Variants in UPP2 observed in about 807,000 individuals in gnomAD.
The protein encoded by UPP2 is UPase 2.
A neutral mutation model predicts 26.7 loss-of-function variants in UPP2; 23 were observed. The observed-to-expected ratio is 0.86, with a 90% CI of 0.62 to 1.22. UPP2 has a LOEUF of 1.22. UPP2 is among the 50% of genes most tolerant of loss of function. The pLI, the probability that UPP2 is intolerant of heterozygous loss-of-function variation, is 0.00. For synonymous variants in UPP2, 127 were observed against 141.3 expected, an observed-to-expected ratio of 0.90 and a Z score of 0.72; for missense variants, 387 against 396.7, an observed-to-expected ratio of 0.98 and a Z score of 0.21.
chr2:158,071,028 G>C (rs1682531007), intron 3 of UPP2, among the ~76,000 whole-genome samples: 1 of 152,200 alleles, frequency 6.6e-6, no homozygotes, highest in Admixed American at 6.5e-5. Flanking sequence ...GTTGGGACTT[G>C]AGTTTCTCTG....
At chr2:158,082,880 C>G (rs1682750092) in intron 3 of UPP2, among the ~76,000 whole-genome samples, 1 of 151,198 alleles carries the variant, frequency 6.6e-6, no homozygotes, top group South Asian at 2.1e-4. Flanking sequence ...ACAACCCCAT[C>G]AAAAAGTGGG....
intron 2 of UPP2, among the ~76,000 whole-genome samples, chr2:158,003,723 A>AT (rs1553462346): frequency 1.5e-4 from 22 of 151,706 alleles, no homozygotes; most frequent in Non-Finnish European, 1.8e-4. Context: ...ATAAAAAAAA[A>AT]AAAAAAAGAG....
chr2:158,001,927 C>T (rs1325954039), intron 2 of UPP2, among the ~76,000 whole-genome samples: 1 of 116,084 alleles, frequency 8.6e-6, no homozygotes, highest in Non-Finnish European at 1.7e-5. Context: ...AAGCGGACAG[C>T]TTTTCTGGTT....
intron 2 of UPP2, among the ~76,000 whole-genome samples, chr2:157,998,759 C>T (rs1435715246): frequency 6.6e-6 from 1 of 152,104 alleles, no homozygotes; most frequent in Non-Finnish European, 1.5e-5. Flanking sequence ...GCCGAGATTG[C>T]ACCGCTGCAC....
chr2:158,022,576 T>C (rs1213562930), intron 3 of UPP2, among the ~76,000 whole-genome samples: 2 of 152,158 alleles, frequency 1.3e-5, no homozygotes, highest in African/African-American at 2.4e-5. Context: ...ACCCACTAAA[T>C]TGACACCACA....
chr2:158,011,216 G>C (rs116781773), intron 2 of UPP2, among the ~76,000 whole-genome samples: 1 of 152,136 alleles, frequency 6.6e-6, no homozygotes, highest in East Asian at 1.9e-4. Flanking sequence ...AATACAATAG[G>C]AAATAGCTTC....
intron 2 of UPP2, among the ~76,000 whole-genome samples, chr2:157,998,620 G>A (rs950153480): frequency 6.6e-6 from 1 of 152,052 alleles, no homozygotes; most frequent in Non-Finnish European, 1.5e-5. Context: ...TGGACAACAT[G>A]GTGAAATCCC....
intron 2 of UPP2, among the ~76,000 whole-genome samples, chr2:158,007,654 G>A (rs1683513720): frequency 6.7e-6 from 1 of 148,584 alleles, no homozygotes; most frequent in South Asian, 2.1e-4. Flanking sequence ...TTAAGACGGA[G>A]TCTTGCTCTG....
In UPP2 at chr2:158,134,832, A is replaced by T; in HGVS notation, c.896A>T (p.Gln299Leu). The T allele has an allele frequency of 1.2e-6, 2 of 1,613,746 alleles. No homozygotes were observed. Among genetic ancestry groups the T allele is most frequent in the South Asian group, 2.2e-5 (2 of 91,014 alleles). Residue 299 changes from glutamine (Q) to leucine (L), a missense_variant, in exon 7 of 7, where the codon CAA (glutamine) becomes CTA (leucine). Coordinates refer to ENST00000005756, the MANE Select transcript of UPP2 (RefSeq NM_173355.4). ...LPHDVLVEYQ[Q>L]RPQLLISNFI... ...CATGATGTCCTGGTGGAGTACCAGCAACGGCCTCAGCTCCTAATCTCCAAC... is the reference window on the plus strand; with the variant it reads ...CATGATGTCCTGGTGGAGTACCAGCTACGGCCTCAGCTCCTAATCTCCAAC...
chr2:158,105,619 G>T lies in UPP2; in HGVS notation c.63-480G>T, dbSNP rs994478856. Among the ~76,000 whole-genome samples, 75 of 152,200 alleles carry T rather than the reference G, an allele frequency of 4.9e-4. 1 individual carries two copies. Among genetic ancestry groups the T allele is most frequent in the Admixed American group, 2.5e-3 (38 of 15,280 alleles). On this transcript the variant is annotated intron_variant, in intron 1 of 6. Transcript: ENST00000005756. ...AATAAAATACAAATAACTTACTCAA[G>T]GTTGCACAATTAGGATATATATGGT...
At chr2:158,025,950 A>G (rs35509538) in intron 3 of UPP2, among the ~76,000 whole-genome samples, 2,777 of 152,258 alleles carry the variant, frequency 0.018, 94 homozygotes, top group African/African-American at 0.063. Context: ...TTCGTCTGGA[A>G]GAAGCAGCCC....
chr2:158,037,589 G>T (rs954513625), intron 3 of UPP2, among the ~76,000 whole-genome samples: 2 of 151,962 alleles, frequency 1.3e-5, no homozygotes, highest in African/African-American at 2.4e-5. Context: ...TTAGCTTCTG[G>T]TCATGGCCAG....
intron 3 of UPP2, among the ~76,000 whole-genome samples, chr2:158,117,111 T>C (rs1408894405): frequency 1.3e-5 from 2 of 152,014 alleles, no homozygotes; most frequent in Non-Finnish European, 2.9e-5. Context: ...TTTCTGCAAA[T>C]TACAGAATGG....
intron 2 of UPP2, among the ~76,000 whole-genome samples, chr2:157,996,002 G>A (rs1157751025): frequency 6.6e-6 from 1 of 152,162 alleles, no homozygotes; most frequent in Non-Finnish European, 1.5e-5. Flanking sequence ...GGTTTTACCA[G>A]TATATAGTCC....
intron 2 of UPP2, among the ~76,000 whole-genome samples, chr2:158,002,741 T>C (rs1392933724): frequency 6.6e-6 from 1 of 152,246 alleles, no homozygotes; most frequent in African/African-American, 2.4e-5. Flanking sequence ...TGTGTTGCTA[T>C]TGTAAGGATG....
intron 1 of UPP2, among the ~76,000 whole-genome samples, chr2:158,105,306 G>A (rs994508293): frequency 3.9e-5 from 6 of 152,176 alleles, no homozygotes; most frequent in Non-Finnish European, 1.5e-5. Flanking sequence ...CAAAGAAAAG[G>A]GAGGAAGGAT....
At chr2:158,070,847 G>C (rs1303939899) in intron 3 of UPP2, among the ~76,000 whole-genome samples, 1 of 152,186 alleles carries the variant, frequency 6.6e-6, no homozygotes, top group Admixed American at 6.5e-5. Context: ...GCATGGAGAG[G>C]GAATCTGAGC....
At chr2:158,059,643 G>A (rs1015170217) in intron 3 of UPP2, among the ~76,000 whole-genome samples, 8 of 152,318 alleles carry the variant, frequency 5.3e-5, no homozygotes, top group East Asian at 3.9e-4. Context: ...GGGAGGCTGT[G>A]TACAGACTAC....
At chr2:158,081,793 T>C (rs1682731551) in intron 3 of UPP2, among the ~76,000 whole-genome samples, 2 of 151,946 alleles carry the variant, frequency 1.3e-5, no homozygotes, top group African/African-American at 2.4e-5. Context: ...TAGAATGATG[T>C]TACCAGAGGC....
Sources: gnomAD v4.1 joint callset for allele counts (sites outside exome capture counted in the v4.1 genomes callset) on GRCh38, gnomAD v4.1.1 for gene constraint, MANE v1.5 for transcripts, NCBI Gene and HGNC (gene_info 2026-07-23, HGNC 2026-07-21) for gene names.